Variants in ADARB2 observed in about 807,000 individuals in gnomAD.
ADARB2 encodes inactive double-stranded RNA-specific editase B2.
ADARB2 carries 25 observed loss-of-function variants against 62.2 expected under a neutral mutation model. The observed-to-expected ratio is 0.40, with a 90% CI of 0.29 to 0.56. ADARB2 has a LOEUF of 0.56. Among genes scored for constraint, ADARB2 ranks in the 20% least tolerant of loss-of-function variants. ADARB2 has a pLI of 0.43. For missense variants in ADARB2, 1,071 were observed against 1,077.4 expected, an observed-to-expected ratio of 0.99 and a Z score of 0.08; for synonymous variants, 572 against 500.8, an observed-to-expected ratio of 1.14 and a Z score of -1.90.
At chr10:1,618,820 C>T (rs975979281) in intron 1 of ADARB2, among the ~76,000 whole-genome samples, 2 of 152,268 alleles carry the variant, frequency 1.3e-5, no homozygotes, top group Non-Finnish European at 2.9e-5. Context: ...ACAACAAAAA[C>T]ATTAAAGCCA....
chr10:1,208,560 C>T (rs761788979), intron 7 of ADARB2, among the ~76,000 whole-genome samples: 30 of 152,222 alleles, frequency 2.0e-4, no homozygotes, highest in African/African-American at 6.5e-4. Flanking sequence ...TGCATCAGCA[C>T]GAGGCCCTGG....
intron 3 of ADARB2, among the ~76,000 whole-genome samples, chr10:1,351,599 C>T (rs954357578): frequency 3.9e-5 from 6 of 152,066 alleles, no homozygotes; most frequent in East Asian, 1.9e-4. Flanking sequence ...CACATCCTCC[C>T]CTTGTATCTC....
chr10:1,662,759 G>A (rs999009478), intron 1 of ADARB2, among the ~76,000 whole-genome samples: 2 of 152,148 alleles, frequency 1.3e-5, no homozygotes, highest in African/African-American at 2.4e-5. Flanking sequence ...CATCATTTCC[G>A]CTCCTGCTGT....
intron 1 of ADARB2, among the ~76,000 whole-genome samples, chr10:1,431,288 G>C (rs1448608640): frequency 6.6e-6 from 1 of 151,976 alleles, no homozygotes; most frequent in African/African-American, 2.4e-5. Flanking sequence ...AAAGACAACA[G>C]AAAAGTCTTC....
chr10:1,521,536 T>C (rs1178192001), intron 1 of ADARB2, among the ~76,000 whole-genome samples: 1 of 152,240 alleles, frequency 6.6e-6, no homozygotes, highest in African/African-American at 2.4e-5. Context: ...TGCCTCATGA[T>C]GCCTCTCCGG....
At chr10:1,290,181 TC>T (rs1831452260) in intron 3 of ADARB2, 1 of 151,246 alleles carries the variant, frequency 6.6e-6, no homozygotes, top group Non-Finnish European at 1.5e-5. Context: ...CTTTGCAAGG[TC>T]AGGAGCTGAC....
chr10:1,395,743 A>G (rs1832607343), intron 1 of ADARB2, among the ~76,000 whole-genome samples: 1 of 152,178 alleles, frequency 6.6e-6, no homozygotes, highest in Admixed American at 6.5e-5. Flanking sequence ...CCAATGAGAC[A>G]AGGACCGGGA....
intron 3 of ADARB2, among the ~76,000 whole-genome samples, chr10:1,340,086 T>TAACCAGCATCCACCAGAGAACCACGC (rs1832009080): frequency 7.2e-6 from 1 of 138,836 alleles, no homozygotes; most frequent in Non-Finnish European, 1.5e-5. Context: ...GAGAACCACG[T>TAACCAGCATCCACCAGAGAACCACGC]GCCCCACAGC....
At chr10:1,425,504 G>A (rs966892979) in intron 1 of ADARB2, among the ~76,000 whole-genome samples, 1 of 152,172 alleles carries the variant, frequency 6.6e-6, no homozygotes, top group East Asian at 1.9e-4. Context: ...ATGTGTTGCT[G>A]TCCAGGATTC....
At chr10:1,202,629 A>G (rs1476200387) in intron 7 of ADARB2, among the ~76,000 whole-genome samples, 1 of 152,222 alleles carries the variant, frequency 6.6e-6, no homozygotes, top group Non-Finnish European at 1.5e-5. Context: ...GATGCCAGAA[A>G]ACAAGGCCCA....
At chr10:1,277,763 C>A (rs1435933159) in intron 3 of ADARB2, among the ~76,000 whole-genome samples, 1 of 152,174 alleles carries the variant, frequency 6.6e-6, no homozygotes, top group Non-Finnish European at 1.5e-5. Context: ...ATGAGGCCAG[C>A]ATCATCCTGA....
At chr10:1,243,002 G>C (rs7392620) in intron 4 of ADARB2, among the ~76,000 whole-genome samples, 54,203 of 152,148 alleles carry the variant, frequency 0.36, 9,868 homozygotes, top group South Asian at 0.52. Flanking sequence ...AATGTTTGCT[G>C]TGCTCTAACA....
intron 1 of ADARB2, among the ~76,000 whole-genome samples, chr10:1,641,989 G>A (rs1400277047): frequency 2.0e-5 from 3 of 150,608 alleles, no homozygotes; most frequent in African/African-American, 4.9e-5. Context: ...CTCCAGCCTG[G>A]GCTACAGAGC....
Position 1,487,585 on chromosome 10 carries a change from T to C in ADARB2, c.101-108425A>G, listed in dbSNP as rs371504478. On this transcript the variant is annotated intron_variant, in intron 1 of 9. Coordinates refer to ENST00000381312, the MANE Select transcript of ADARB2 (RefSeq NM_018702.4). ...AAGGGTTAGGTGGGGTAAATAAAGG[T>C]CATGGAACATGACTTGGGATATCTG... is the stretch of plus-strand genomic sequence containing the variant. Among the ~76,000 whole-genome samples, 7 of 152,132 alleles carry C rather than the reference T, an allele frequency of 4.6e-5. No homozygotes were observed. The South Asian group carries it at 6.2e-4, about 14-fold the overall frequency.
In ADARB2 at chr10:1,363,656, G is replaced by A; in HGVS notation, c.449C>T (p.Pro150Leu). 6.2e-7 allele frequency: 1 copy of A among 1,607,424 alleles called. No homozygotes were observed. The highest frequency in any genetic ancestry group is 8.5e-7 in the Non-Finnish European group (1 of 1,176,986). ...LQYRTVSQTG[P>L]VHAPVFAVAV... Reference sequence around the variant, plus strand: ...TACCGCGAAGACCGGGGCATGCACCGGGCCCGTCTGCGACACTGTCCGGTA... The same window carrying A: ...TACCGCGAAGACCGGGGCATGCACCAGGCCCGTCTGCGACACTGTCCGGTA... The change falls in exon 3 of 10, where the codon CCG becomes CTG. Residue 150 changes from proline to leucine, a missense_variant. Transcript: ENST00000381312.
At chr10:1,359,678 G>C (rs761834711) in intron 3 of ADARB2, among the ~76,000 whole-genome samples, 11 of 152,190 alleles carry the variant, frequency 7.2e-5, no homozygotes, top group Non-Finnish European at 1.5e-4. Flanking sequence ...GGGAGGCCCT[G>C]CTTCCTGCGA....
intron 3 of ADARB2, chr10:1,290,713 TGTAAA>T (rs1186013657): frequency 7.9e-5 from 12 of 152,370 alleles, no homozygotes; most frequent in African/African-American, 2.2e-4. Flanking sequence ...CTGTTGATTA[TGTAAA>T]GTAGTCGTCC....
At chr10:1,194,805 C>T (rs926195670) in intron 8 of ADARB2, among the ~76,000 whole-genome samples, 1 of 152,190 alleles carries the variant, frequency 6.6e-6, no homozygotes, top group Non-Finnish European at 1.5e-5. Flanking sequence ...AATGTCCTTT[C>T]TCCTATTGAG....
At chr10:1,208,929 T>G (rs1837105826) in intron 7 of ADARB2, among the ~76,000 whole-genome samples, 1 of 152,110 alleles carries the variant, frequency 6.6e-6, no homozygotes, top group Non-Finnish European at 1.5e-5. Flanking sequence ...TGATGAGTGG[T>G]CGGTGCTGTC....
Sources: gnomAD v4.1 joint callset for allele counts (sites outside exome capture counted in the v4.1 genomes callset) on GRCh38, gnomAD v4.1.1 for gene constraint, MANE v1.5 for transcripts, NCBI Gene and HGNC (gene_info 2026-07-23, HGNC 2026-07-21) for gene names.